The following IFT81 variants were observed in gnomAD, a reference collection of about 807,000 sequenced individuals.
The protein encoded by IFT81 is intraflagellar transport 81.
A neutral mutation model predicts 102.6 loss-of-function variants in IFT81; 72 were observed. The ratio of observed to expected loss-of-function variants is 0.70; its 90% CI spans 0.58 to 0.85. The LOEUF is 0.85. Ranked by LOEUF, IFT81 falls within the 40% of genes least tolerant of loss-of-function variation. The pLI is 0.00. For synonymous variants in IFT81, 237 were observed against 242.7 expected (o/e 0.98, Z 0.22); for missense variants, 723 against 787.3 (o/e 0.92, Z 0.98).
chr12:110,127,040 G>A (rs1369343481), intron 1 of IFT81, among the ~76,000 whole-genome samples: 1 of 152,192 alleles, frequency 6.6e-6, no homozygotes, highest in African/African-American at 2.4e-5. Context: ...TTCCTGGGTA[G>A]AAATTATGCA....
chr12:110,158,695 T>C (rs924731181), intron 10 of IFT81, among the ~76,000 whole-genome samples: 7 of 152,282 alleles, frequency 4.6e-5, no homozygotes, highest in Non-Finnish European at 7.4e-5. Flanking sequence ...GTTCACGCCA[T>C]TCTCCTGCCT....
intron 17 of IFT81, among the ~76,000 whole-genome samples, chr12:110,207,478 T>G (rs944876375): frequency 3.9e-5 from 6 of 152,076 alleles, no homozygotes; most frequent in Admixed American, 1.3e-4. Context: ...TAATTTTTTC[T>G]TAAATACTGC....
chr12:110,135,529 G>C (rs577109202), intron 7 of IFT81, 92 bp downstream of exon 7: 1 of 741,862 alleles, frequency 1.3e-6, no homozygotes, highest in East Asian at 2.7e-5. Flanking sequence ...AATTGTAGAC[G>C]TTCACGTTCC....
At chr12:110,196,654 A>G (rs1898013717) in intron 14 of IFT81, among the ~76,000 whole-genome samples, 1 of 152,242 alleles carries the variant, frequency 6.6e-6, no homozygotes, top group Non-Finnish European at 1.5e-5. Flanking sequence ...GTTCAAGACC[A>G]GCCTGCACAA....
chr12:110,128,174 T>C (rs1240106985), intron 3 of IFT81, 25 bp downstream of exon 3: 1 of 1,431,168 alleles, frequency 7.0e-7, no homozygotes, highest in Non-Finnish European at 9.8e-7. Flanking sequence ...ACGTATTGAG[T>C]TTTTAAAATT....
chr12:110,173,804 A>G (rs1896901415), intron 11 of IFT81, among the ~76,000 whole-genome samples: 1 of 151,982 alleles, frequency 6.6e-6, no homozygotes, highest in East Asian at 1.9e-4. Context: ...CCTAATCTCA[A>G]GTACCCAGGG....
At chr12:110,151,041 A>G (rs935926852) in intron 10 of IFT81, among the ~76,000 whole-genome samples, 4 of 152,282 alleles carry the variant, frequency 2.6e-5, no homozygotes, top group Admixed American at 2.6e-4. Flanking sequence ...CACATACCAT[A>G]TAATTCACCC....
chr12:110,193,291 AGAG>A (rs1265737542), intron 14 of IFT81, among the ~76,000 whole-genome samples: 2 of 152,206 alleles, frequency 1.3e-5, no homozygotes, highest in East Asian at 3.8e-4. Context: ...AAATTCAGCC[AGAG>A]GAGATTTTTT....
chr12:110,187,064 G>A (rs1185044618), intron 12 of IFT81, among the ~76,000 whole-genome samples: 1 of 149,966 alleles, frequency 6.7e-6, no homozygotes, highest in Admixed American at 6.6e-5. Context: ...TGTCTAGTCT[G>A]TTATTTAATT....
chr12:110,138,679 C>T (rs1256029907), intron 8 of IFT81, among the ~76,000 whole-genome samples: 9 of 152,146 alleles, frequency 5.9e-5, no homozygotes, highest in Non-Finnish European at 8.8e-5. Context: ...GTGATCCACC[C>T]GCCTCAGCCT....
chr12:110,189,098 C>T (rs1897679776), intron 12 of IFT81, among the ~76,000 whole-genome samples: 2 of 152,092 alleles, frequency 1.3e-5, no homozygotes, highest in Admixed American at 6.6e-5. Context: ...CTACACTTTC[C>T]TGGTTTTTCT....
chr12:110,174,676 C>T (rs867723764), intron 11 of IFT81, among the ~76,000 whole-genome samples: 1 of 151,850 alleles, frequency 6.6e-6, no homozygotes, highest in Non-Finnish European at 1.5e-5. Flanking sequence ...TCCTGATAAG[C>T]GAAAAGCATT....
At chr12:110,149,925 A>C (rs905947318) in intron 10 of IFT81, among the ~76,000 whole-genome samples, 1 of 151,972 alleles carries the variant, frequency 6.6e-6, no homozygotes, top group Non-Finnish European at 1.5e-5. Context: ...GAAATGCAAC[A>C]TTTGGGCATG....
intron 11 of IFT81, among the ~76,000 whole-genome samples, chr12:110,173,137 G>A (rs1206303618): frequency 2.8e-5 from 4 of 143,956 alleles, no homozygotes; most frequent in Admixed American, 6.9e-5. Flanking sequence ...CCCCCCGCCC[G>A]GCCAGCCGCC....
At chr12:110,128,914 T>C in intron 3 of IFT81, 36 bp from the exon 4 acceptor site, 1 of 1,539,566 alleles carries the variant, frequency 6.5e-7, no homozygotes, top group Non-Finnish European at 8.9e-7. Context: ...TACCGTTAAG[T>C]GCGTGTGTGT....
intron 4 of IFT81, among the ~76,000 whole-genome samples, chr12:110,130,492 C>A (rs1339140134): frequency 6.6e-6 from 1 of 151,702 alleles, no homozygotes; most frequent in Non-Finnish European, 1.5e-5. Context: ...GCCTCAGCCT[C>A]CTTAGTAGCT....
intron 12 of IFT81, among the ~76,000 whole-genome samples, chr12:110,181,831 A>C (rs1049328587): frequency 1.3e-5 from 2 of 152,016 alleles, no homozygotes; most frequent in Admixed American, 6.6e-5. Context: ...TCTTTGTGCT[A>C]GTGATTTATT....
At chr12:110,128,234 A>G (rs1893960521) in intron 3 of IFT81, 85 bp downstream of exon 3, 1 of 805,864 alleles carries the variant, frequency 1.2e-6, no homozygotes, top group Non-Finnish European at 2.1e-6. Context: ...TTTGTAGGTA[A>G]TACCTGGTTT....
chr12:110,157,736 C>T (rs1895919956), intron 10 of IFT81, among the ~76,000 whole-genome samples: 1 of 152,196 alleles, frequency 6.6e-6, no homozygotes. Flanking sequence ...CTTCCTATTT[C>T]TCAGACTTGA....
Sources: gnomAD v4.1 joint callset for allele counts (sites outside exome capture counted in the v4.1 genomes callset) on GRCh38, gnomAD v4.1.1 for gene constraint, MANE v1.5 for transcripts, NCBI Gene and HGNC (gene_info 2026-07-23, HGNC 2026-07-21) for gene names.